The following HIVEP3 variants were observed in gnomAD, a reference collection of about 807,000 sequenced individuals.
HIVEP3 encodes the protein transcription factor HIVEP3.
HIVEP3 carries 49 observed loss-of-function variants against 152.8 expected under a neutral mutation model. That is an observed-to-expected ratio of 0.32 (90% CI 0.26 to 0.41). HIVEP3 has a LOEUF of 0.41. Among genes scored for constraint, HIVEP3 ranks in the 10% least tolerant of loss-of-function variants. HIVEP3 has a pLI of 1.00. For missense variants in HIVEP3, 2,790 were observed against 3,103.3 expected, an observed-to-expected ratio of 0.90 and a Z score of 2.40; for synonymous variants, 1,269 against 1,289.0, an observed-to-expected ratio of 0.98 and a Z score of 0.33.
At chr1:41,798,006 A>C (rs182200779) in intron 1 of HIVEP3, among the ~76,000 whole-genome samples, 34 of 152,158 alleles carry the variant, frequency 2.2e-4, no homozygotes, top group African/African-American at 7.9e-4. Context: ...AAACAAAAAC[A>C]AAAAACCATC....
chr1:41,875,615 G>A (rs534705455), intron 1 of HIVEP3, among the ~76,000 whole-genome samples: 1 of 152,308 alleles, frequency 6.6e-6, no homozygotes, highest in Admixed American at 6.5e-5. Context: ...CTCCTCTTGT[G>A]CCCCGAGCTT....
chr1:41,776,740 G>A (rs903083907), intron 1 of HIVEP3, among the ~76,000 whole-genome samples: 2 of 152,180 alleles, frequency 1.3e-5, no homozygotes, highest in Admixed American at 6.5e-5. Context: ...GTTCATTCTG[G>A]AGGCTTCAGA....
In HIVEP3 at chr1:41,662,632, TGCCG is replaced by T. The variant is rs1645734738; in HGVS notation, c.-720-33689_-720-33686del. Among the ~76,000 whole-genome samples the T allele has an allele frequency of 6.6e-6, 1 of 150,640 alleles. No homozygotes were observed. Among genetic ancestry groups the T allele is most frequent in the South Asian group, 2.1e-4 (1 of 4,798 alleles). ...TCTCCTCGCCCGGGGAATCCCTGGCTGCCGGCGGCCGCGGGGAGGGTCTGCGCGC... is the reference window on the plus strand; with the variant it reads ...TCTCCTCGCCCGGGGAATCCCTGGCTGCGGCCGCGGGGAGGGTCTGCGCGC... On this transcript the variant is annotated intron_variant, in intron 2 of 8. Transcript: ENST00000372583. The surrounding 1 kb of genome is among the most constrained non-coding windows in gnomAD (Gnocchi z 7.2).
At chr1:41,655,055 T>C (rs1015163125) in intron 2 of HIVEP3, among the ~76,000 whole-genome samples, 1 of 152,190 alleles carries the variant, frequency 6.6e-6, no homozygotes, top group Non-Finnish European at 1.5e-5. Flanking sequence ...TTAAAGTTGC[T>C]GTAACGATTA....
chr1:41,938,644 A>G (rs1270600981), intron 1 of HIVEP3, among the ~76,000 whole-genome samples: 1 of 152,238 alleles, frequency 6.6e-6, no homozygotes, highest in Non-Finnish European at 1.5e-5. Context: ...TCCTCCAGGC[A>G]TAAAAGCAAA....
At chr1:41,901,112 C>G (rs533976953) in intron 1 of HIVEP3, among the ~76,000 whole-genome samples, 1 of 151,980 alleles carries the variant, frequency 6.6e-6, no homozygotes, top group Non-Finnish European at 1.5e-5. Context: ...TTGGTGACAG[C>G]TTAAGTGTAA....
intron 1 of HIVEP3, among the ~76,000 whole-genome samples, chr1:41,833,548 A>G (rs72961298): frequency 0.015 from 2,247 of 152,308 alleles, 62 homozygotes; most frequent in African/African-American, 0.051. Flanking sequence ...TAAGGCCTGA[A>G]CCTAGGGACA....
At chr1:41,516,243 G>C (rs1003408150) in intron 7 of HIVEP3, among the ~76,000 whole-genome samples, 1 of 132,682 alleles carries the variant, frequency 7.5e-6, no homozygotes, top group Admixed American at 7.6e-5. Flanking sequence ...TTGAGCGCGC[G>C]GCGGGCGCCG....
upstream of HIVEP3, among the ~76,000 whole-genome samples, chr1:41,921,952 A>G (rs1644944219): frequency 6.6e-6 from 1 of 152,130 alleles, no homozygotes; most frequent in Non-Finnish European, 1.5e-5. Context: ...ACATGCACAC[A>G]AAAGAGATTT....
At chr1:41,835,952 A>T (rs1643110589) in intron 1 of HIVEP3, among the ~76,000 whole-genome samples, 2 of 152,334 alleles carry the variant, frequency 1.3e-5, no homozygotes, top group South Asian at 4.1e-4. Flanking sequence ...AGATACCCCT[A>T]ACCTGCCATA....
chr1:41,523,371 G>A (rs1642815463), intron 6 of HIVEP3, among the ~76,000 whole-genome samples: 1 of 152,204 alleles, frequency 6.6e-6, no homozygotes, highest in Non-Finnish European at 1.5e-5. Context: ...CAAGAGAGAA[G>A]AGGATGGGGG....
At chr1:41,890,019 T>C (rs1644422508) in intron 1 of HIVEP3, among the ~76,000 whole-genome samples, 1 of 152,264 alleles carries the variant, frequency 6.6e-6, no homozygotes, top group Non-Finnish European at 1.5e-5. Flanking sequence ...GAACAGATTC[T>C]GAAACAGATG....
intron 1 of HIVEP3, among the ~76,000 whole-genome samples, chr1:41,801,743 G>C (rs1395724214): frequency 1.3e-5 from 2 of 150,358 alleles, no homozygotes; most frequent in African/African-American, 4.9e-5. Context: ...GACTCCATCT[G>C]AAAAAAATAA....
At chr1:41,553,784 G>C (rs889773622) in intron 5 of HIVEP3, among the ~76,000 whole-genome samples, 1 of 152,176 alleles carries the variant, frequency 6.6e-6, no homozygotes, top group Non-Finnish European at 1.5e-5. Context: ...TGAAATTCTG[G>C]GTTGAAAATT....
At chr1:41,692,035 G>A (rs1317132128) in intron 2 of HIVEP3, among the ~76,000 whole-genome samples, 4 of 152,092 alleles carry the variant, frequency 2.6e-5, no homozygotes, top group East Asian at 3.9e-4. Context: ...GTAGAGACAC[G>A]GTTTCACCAT....
chr1:41,919,174 G>A (rs929925140), upstream of HIVEP3, among the ~76,000 whole-genome samples: 4 of 152,090 alleles, frequency 2.6e-5, no homozygotes, highest in African/African-American at 9.7e-5. Context: ...GCAAATGCAA[G>A]TCATAAATAT....
chr1:41,937,689 A>G (rs1165080052), intron 1 of HIVEP3, among the ~76,000 whole-genome samples: 1 of 152,238 alleles, frequency 6.6e-6, no homozygotes, highest in Non-Finnish European at 1.5e-5. Flanking sequence ...CCAGTCTAAA[A>G]CATTGAACCA....
chr1:41,872,789 A>G (rs1028169688), intron 1 of HIVEP3, among the ~76,000 whole-genome samples: 20 of 152,184 alleles, frequency 1.3e-4, no homozygotes, highest in African/African-American at 4.6e-4. Flanking sequence ...TTGCTTATCC[A>G]TTCCCCAGTT....
At chr1:41,806,141 A>C (rs1650595704) in intron 1 of HIVEP3, among the ~76,000 whole-genome samples, 1 of 152,044 alleles carries the variant, frequency 6.6e-6, no homozygotes, top group Non-Finnish European at 1.5e-5. Flanking sequence ...TGAATGTTCC[A>C]GGGACTCCCC....
Sources: allele counts gnomAD v4.1 joint callset (sites outside exome capture counted in the v4.1 genomes callset), GRCh38; gene constraint gnomAD v4.1.1; non-coding constraint Gnocchi (gnomAD v3.1); transcripts MANE v1.5; gene names NCBI Gene and HGNC (gene_info 2026-07-23, HGNC 2026-07-21).